COL4A5: variants seen among roughly 807,000 people sequenced by gnomAD.
COL4A5 encodes the protein collagen type IV alpha 5 chain, also known as collagen alpha-5(IV) chain.
COL4A5 carries 26 observed loss-of-function variants against 130.2 expected under a neutral mutation model. The ratio of observed to expected loss-of-function variants is 0.20; its 90% confidence interval spans 0.15 to 0.28. The LOEUF (loss-of-function observed/expected upper bound fraction) is 0.28, where lower values mean the gene tolerates loss of function less well. Among genes scored for constraint, COL4A5 ranks in the 10% least tolerant of loss-of-function variants. COL4A5 has a pLI of 1.00. For missense variants in COL4A5, 1,131 were observed against 1,344.3 expected (o/e 0.84, Z 2.48); for synonymous variants, 496 against 439.6 (o/e 1.13, Z -1.60).
chrX:108,607,262 G>A (rs1327486010), intron 29 of COL4A5, among the ~76,000 whole-genome samples: 3 of 105,490 alleles, frequency 2.8e-5, no homozygotes, highest in Non-Finnish European at 3.9e-5. Flanking sequence ...AGCTACTTGG[G>A]AGGCTGAGGC....
At chrX:108,609,169 G>T (rs1036522591) in intron 29 of COL4A5, among the ~76,000 whole-genome samples, 2 of 111,721 alleles carry the variant, frequency 1.8e-5, no homozygotes, top group African/African-American at 6.5e-5. Flanking sequence ...AGATTTGTTG[G>T]ATCATAAGTG....
intron 25 of COL4A5, among the ~76,000 whole-genome samples, chrX:108,599,399 G>A (rs184815030): frequency 2.3e-4 from 25 of 110,879 alleles, no homozygotes; most frequent in Admixed American, 1.2e-3. Flanking sequence ...TTAACTTTTC[G>A]TGTGGCTATA....
At chrX:108,569,237 G>A (rs1184806866) in intron 6 of COL4A5, among the ~76,000 whole-genome samples, 2 of 111,510 alleles carry the variant, frequency 1.8e-5, no homozygotes, top group East Asian at 2.8e-4. Context: ...TTTTTAACAC[G>A]CCGAATAACT....
chrX:108,575,784 T>C (rs2066135718), intron 9 of COL4A5, 126 bp from the exon 10 acceptor site: 1 of 498,655 alleles, frequency 2.0e-6, no homozygotes, highest in African/African-American at 2.4e-5. Context: ...TCGCAGTGAG[T>C]TGAGATCATG....
In COL4A5 at chrX:108,473,633, A is replaced by ATTTTTTTT. The variant is rs1203616884; in HGVS notation, c.81+33433_81+33440dup. ...TATATGTATATATATATATATATAT[A>ATTTTTTTT]TTTTTTTTTTTTTGAGATGAAGTCT... On this transcript the variant is annotated intron_variant, in intron 1 of 52. Coordinates refer to ENST00000328300, the MANE Select transcript of COL4A5 (RefSeq NM_033380.3). Among the ~76,000 whole-genome samples, 61 of 34,555 alleles carry ATTTTTTTT rather than the reference A, an allele frequency of 1.8e-3. 4 individuals carry two copies. The East Asian group carries it at 0.024, about 13-fold the overall frequency. The allele number at this position is 34,555 out of a possible 115,157, so 30.0% of individuals were successfully genotyped here.
chrX:108,442,081 GGTTT>G lies in COL4A5; in HGVS notation c.81+1880_81+1883del, dbSNP rs749926194. Among the ~76,000 whole-genome samples, 110 of 111,124 alleles carry G rather than the reference GGTTT, an allele frequency of 9.9e-4. 3 individuals are homozygous for G. In the East Asian group the frequency reaches 0.03, roughly 30 times the overall value. On this transcript the variant is annotated intron_variant, in intron 1 of 52. Transcript: ENST00000328300. The stretch of plus-strand genomic sequence containing the variant: ...ATATTGTGCCTCTATTAAAACCAAG[GGTTT>G]GTTTTTCCTGGTTCATACATAAATA...
chrX:108,547,618 C>G (rs951091922), intron 2 of COL4A5, among the ~76,000 whole-genome samples: 1 of 111,753 alleles, frequency 8.9e-6, no homozygotes, highest in Non-Finnish European at 1.9e-5. Context: ...CTGGGAGAAC[C>G]GCTAATCTCT....
chrX:108,473,633 A>T (rs190146310), intron 1 of COL4A5, among the ~76,000 whole-genome samples: 898 of 34,560 alleles, frequency 0.026, 27 homozygotes, highest in Middle Eastern at 0.086. Context: ...ATATATATAT[A>T]TTTTTTTTTT....
At chrX:108,545,763 A>C (rs1472271552) in intron 2 of COL4A5, among the ~76,000 whole-genome samples, 1 of 110,931 alleles carries the variant, frequency 9.0e-6, no homozygotes, top group Non-Finnish European at 1.9e-5. Flanking sequence ...CTAGGTCTCT[A>C]AGGACTTGCT....
intron 36 of COL4A5, among the ~76,000 whole-genome samples, chrX:108,653,008 G>C (rs1211839046): frequency 1.8e-5 from 2 of 111,609 alleles, no homozygotes; most frequent in Non-Finnish European, 3.8e-5. Context: ...AGAGTGATTT[G>C]TGTCCAGTTT....
rs1297256968 is a variant in COL4A5 at position 108,692,933 on chromosome X, A to G, written c.4706+8A>G. The G allele has an allele frequency of 8.3e-7, 1 of 1,210,944 alleles. No homozygotes were observed. Among genetic ancestry groups the G allele is most frequent in the Non-Finnish European group, 1.1e-6 (1 of 895,079 alleles). On this transcript the variant is annotated splice_region_variant and intron_variant, in intron 50 of 52. Coordinates refer to ENST00000328300, the MANE Select transcript of COL4A5 (RefSeq NM_033380.3). Reference sequence around the variant, plus strand: ...CCAGCCATTCATTAGTCGGTAAGGCATTGATTTAGCTGTGACTTTTACCAA... The same window carrying G: ...CCAGCCATTCATTAGTCGGTAAGGCGTTGATTTAGCTGTGACTTTTACCAA...
chrX:108,468,546 TGGATTTGAGTGTATTTATTA>T (rs1448259798), intron 1 of COL4A5, among the ~76,000 whole-genome samples: 1 of 108,903 alleles, frequency 9.2e-6, no homozygotes, highest in Non-Finnish European at 1.9e-5. Context: ...TTTACATTCC[TGGATTTGAGTGTATTTATTA>T]GGAAAGGGTG....
chrX:108,518,228 G>T (rs2065237526), intron 1 of COL4A5, among the ~76,000 whole-genome samples: 1 of 110,843 alleles, frequency 9.0e-6, no homozygotes, highest in South Asian at 3.8e-4. Flanking sequence ...ATCTAATAAG[G>T]TAACGATTTT....
intron 2 of COL4A5, among the ~76,000 whole-genome samples, chrX:108,545,214 T>C (rs1056767575): frequency 8.9e-6 from 1 of 111,915 alleles, no homozygotes; most frequent in Admixed American, 9.4e-5. Flanking sequence ...GTGTCAATTT[T>C]AGATCTTTCC....
intron 1 of COL4A5, among the ~76,000 whole-genome samples, chrX:108,517,125 G>A (rs2065227821): frequency 9.0e-6 from 1 of 111,477 alleles, no homozygotes. Context: ...TCAATCCCAT[G>A]TATATAATTC....
chrX:108,497,834 C>G (rs2065047489), intron 1 of COL4A5, among the ~76,000 whole-genome samples: 1 of 111,209 alleles, frequency 9.0e-6, no homozygotes. Flanking sequence ...TAACATCTTT[C>G]TAGCTCTCTA....
chrX:108,619,766 T>C (rs913071510), intron 30 of COL4A5, among the ~76,000 whole-genome samples: 2 of 112,168 alleles, frequency 1.8e-5, no homozygotes, highest in African/African-American at 6.5e-5. Flanking sequence ...TAATTTATAA[T>C]ACATTAGAAC....
At chrX:108,461,003 G>T (rs2064644179) in intron 1 of COL4A5, among the ~76,000 whole-genome samples, 1 of 110,172 alleles carries the variant, frequency 9.1e-6, no homozygotes, top group Admixed American at 9.8e-5. Flanking sequence ...CTGTTATAGC[G>T]CAAGCTTATT....
intron 1 of COL4A5, among the ~76,000 whole-genome samples, chrX:108,524,946 G>A (rs1427945596): frequency 9.0e-6 from 1 of 111,524 alleles, no homozygotes; most frequent in African/African-American, 3.3e-5. Flanking sequence ...ATGCATTCTT[G>A]AGAAAAAGGT....
Sources: gnomAD v4.1 joint callset for allele counts (sites outside exome capture counted in the v4.1 genomes callset) on GRCh38, gnomAD v4.1.1 for gene constraint, MANE v1.5 for transcripts, NCBI Gene and HGNC (gene_info 2026-07-23, HGNC 2026-07-21) for gene names.